SLC2A13: variants seen among roughly 807,000 people sequenced by gnomAD.
SLC2A13 encodes the protein proton myo-inositol cotransporter.
SLC2A13 carries 32 observed loss-of-function variants against 64.4 expected under a neutral mutation model. The ratio of observed to expected loss-of-function variants is 0.50; its 90% CI spans 0.37 to 0.67. SLC2A13 has a LOEUF of 0.67. Ranked by LOEUF, SLC2A13 falls within the 30% of genes least tolerant of loss-of-function variation. SLC2A13 has a pLI of 0.00. For missense variants in SLC2A13, 743 were observed against 829.2 expected (o/e 0.90, Z 1.28); for synonymous variants, 338 against 327.1 (o/e 1.03, Z -0.36).
chr12:39,805,025 A>AGAGAAGCCTGCTGGAGG (rs56162916), intron 7 of SLC2A13, among the ~76,000 whole-genome samples: 118,605 of 147,394 alleles, frequency 0.8, 48,103 homozygotes, highest in Non-Finnish European at 0.82. Flanking sequence ...CCTGCTGGAG[A>AGAGAAGCCTGCTGGAGG]GAGAAGCCTG....
chr12:39,770,032 C>T (rs1940505175), intron 7 of SLC2A13, among the ~76,000 whole-genome samples: 1 of 152,046 alleles, frequency 6.6e-6, no homozygotes. Context: ...CTTCTCTTCC[C>T]TCTTTGCTTT....
intron 1 of SLC2A13, among the ~76,000 whole-genome samples, chr12:40,080,520 A>T (rs1938355621): frequency 6.6e-6 from 1 of 152,072 alleles, no homozygotes; most frequent in South Asian, 2.1e-4. Flanking sequence ...CCTCCTGAGT[A>T]GCTGGGATTA....
At chr12:39,862,381 A>T (rs984730953) in intron 6 of SLC2A13, among the ~76,000 whole-genome samples, 3 of 152,156 alleles carry the variant, frequency 2.0e-5, no homozygotes, top group Non-Finnish European at 4.4e-5. Flanking sequence ...TGAACTGCAT[A>T]CTCATCACTG....
chr12:40,000,164 C>T (rs1947299554), intron 3 of SLC2A13, among the ~76,000 whole-genome samples: 1 of 152,160 alleles, frequency 6.6e-6, no homozygotes, highest in African/African-American at 2.4e-5. Context: ...TGCCTTCTGC[C>T]ATGATTGGGA....
intron 3 of SLC2A13, among the ~76,000 whole-genome samples, chr12:39,954,872 C>T (rs1946291018): frequency 6.6e-6 from 1 of 152,110 alleles, no homozygotes; most frequent in Non-Finnish European, 1.5e-5. Flanking sequence ...GAAAGAAAAA[C>T]TGACACAACA....
chr12:39,861,667 G>A (rs1382375998), intron 6 of SLC2A13, among the ~76,000 whole-genome samples: 1 of 152,080 alleles, frequency 6.6e-6, no homozygotes, highest in African/African-American at 2.4e-5. Flanking sequence ...AATTATGGGT[G>A]TGAAAAAAAG....
chr12:39,868,914 T>A (rs186229084), intron 5 of SLC2A13, among the ~76,000 whole-genome samples: 42 of 152,326 alleles, frequency 2.8e-4, no homozygotes, highest in African/African-American at 9.6e-4. Flanking sequence ...TTATTTGTAA[T>A]CATTTTAAAA....
chr12:40,068,785 A>C (rs1172867889), intron 1 of SLC2A13, among the ~76,000 whole-genome samples: 1 of 152,018 alleles, frequency 6.6e-6, no homozygotes, highest in East Asian at 1.9e-4. Context: ...AATCATAGAC[A>C]CAGCTGATAA....
intron 7 of SLC2A13, among the ~76,000 whole-genome samples, chr12:39,803,204 CA>C (rs369226817): frequency 0.02 from 1,489 of 73,742 alleles, 6 homozygotes; most frequent in African/African-American, 0.034. Flanking sequence ...GAAGCAAATG[CA>C]AAAAAAAAAA....
chr12:40,074,611 T>C (rs1388754831), intron 1 of SLC2A13, among the ~76,000 whole-genome samples: 5 of 152,344 alleles, frequency 3.3e-5, no homozygotes, highest in East Asian at 1.9e-4. Context: ...TTATTCATAG[T>C]TGTTTTCAGT....
intron 1 of SLC2A13, among the ~76,000 whole-genome samples, chr12:40,069,649 A>AG (rs1937876970): frequency 6.6e-6 from 1 of 152,032 alleles, no homozygotes; most frequent in Admixed American, 6.6e-5. Context: ...GAAAAAAAAA[A>AG]GGACAGAAGG....
intron 6 of SLC2A13, 43 bp from the exon 7 acceptor site, chr12:39,830,271 T>C (rs1942815065): frequency 1.3e-6 from 2 of 1,597,962 alleles, no homozygotes; most frequent in African/African-American, 1.3e-5. Context: ...CAGAGACAAC[T>C]GGTGCTCACC....
chr12:40,090,237 C>G (rs1011924836), intron 1 of SLC2A13, among the ~76,000 whole-genome samples: 9 of 152,122 alleles, frequency 5.9e-5, no homozygotes, highest in Admixed American at 5.2e-4. Context: ...AATCATCAGA[C>G]TCTTTTCTAA....
Position 39,939,333 on chromosome 12 carries a change from C to T in SLC2A13, c.1034+11924G>A, listed in dbSNP as rs537147725. On this transcript the variant is annotated intron_variant, in intron 4 of 9. Coordinates refer to ENST00000280871, the MANE Select transcript of SLC2A13 (RefSeq NM_052885.4). ...AATGATTAGAAACATTCTGATAGCT[C>T]GCTATAAAGGCATTCTGCTCCAAGC... Among the ~76,000 whole-genome samples, 37 of 152,268 alleles carry T rather than the reference C, an allele frequency of 2.4e-4. No homozygotes were observed. The South Asian group carries it at 6.4e-3, about 26-fold the overall frequency.
chr12:39,787,811 T>C (rs1342457479), intron 7 of SLC2A13, among the ~76,000 whole-genome samples: 1 of 152,168 alleles, frequency 6.6e-6, no homozygotes, highest in East Asian at 1.9e-4. Context: ...TTTCTCGTTA[T>C]CTAAAAATCA....
At chr12:39,903,948 A>G (rs531023109) in intron 4 of SLC2A13, among the ~76,000 whole-genome samples, 1 of 152,212 alleles carries the variant, frequency 6.6e-6, no homozygotes, top group Admixed American at 6.6e-5. Context: ...AGAACAACAG[A>G]CAGGATACTG....
At chr12:39,986,863 C>T (rs771860252) in intron 3 of SLC2A13, among the ~76,000 whole-genome samples, 6 of 152,058 alleles carry the variant, frequency 3.9e-5, no homozygotes, top group South Asian at 4.1e-4. Context: ...CAAGCCTGGT[C>T]TTGGTTAAAG....
chr12:39,814,144 G>A (rs1942271287), intron 7 of SLC2A13, among the ~76,000 whole-genome samples: 1 of 152,160 alleles, frequency 6.6e-6, no homozygotes, highest in Admixed American at 6.5e-5. Flanking sequence ...AATTTAAAAT[G>A]TGAGGTCTGG....
intron 1 of SLC2A13, among the ~76,000 whole-genome samples, chr12:40,072,126 A>T (rs775301710): frequency 2.0e-5 from 3 of 152,084 alleles, no homozygotes; most frequent in South Asian, 4.2e-4. Flanking sequence ...TTAGCTCTAA[A>T]TTTTTTGCTA....
Sources: allele counts gnomAD v4.1 joint callset (sites outside exome capture counted in the v4.1 genomes callset), GRCh38; gene constraint gnomAD v4.1.1; transcripts MANE v1.5; gene names NCBI Gene and HGNC (gene_info 2026-07-23, HGNC 2026-07-21).